The following LIN28B variants were observed in gnomAD, a reference collection of about 807,000 sequenced individuals.
LIN28B encodes the protein lin-28 RNA binding posttranscriptional regulator B, also known as protein lin-28 homolog B.
A neutral mutation model predicts 21.9 loss-of-function variants in LIN28B; 5 were observed. The observed-to-expected ratio is 0.23, with a 90% confidence interval of 0.12 to 0.48. The LOEUF is 0.48. Ranked by LOEUF, LIN28B falls within the 20% of genes least tolerant of loss-of-function variation. The pLI, the probability that LIN28B is intolerant of heterozygous loss-of-function variation, is 0.98. For missense variants in LIN28B, 245 were observed against 310.5 expected, an observed-to-expected ratio of 0.79 and a Z score of 1.58; for synonymous variants, 109 against 111.3, an observed-to-expected ratio of 0.98 and a Z score of 0.13.
chr6:105,075,639 T>G (rs976281681), intron 3 of LIN28B, among the ~76,000 whole-genome samples: 2 of 152,138 alleles, frequency 1.3e-5, no homozygotes, highest in Non-Finnish European at 2.9e-5. Context: ...AAACCAAAAT[T>G]ATATAGCATC....
intron 3 of LIN28B, among the ~76,000 whole-genome samples, chr6:105,042,024 C>A (rs1026763417): frequency 6.6e-6 from 1 of 152,138 alleles, no homozygotes; most frequent in Non-Finnish European, 1.5e-5. Context: ...GCAATTCTCA[C>A]AAAAGTTCAG....
At chr6:104,992,585 A>G (rs1770514616) in intron 2 of LIN28B, among the ~76,000 whole-genome samples, 1 of 151,268 alleles carries the variant, frequency 6.6e-6, no homozygotes, top group Admixed American at 6.6e-5. Flanking sequence ...GGCTCACTTC[A>G]GCCTTAACTT....
intron 3 of LIN28B, among the ~76,000 whole-genome samples, chr6:105,032,705 G>C (rs368275930): frequency 6.6e-6 from 1 of 151,614 alleles, no homozygotes; most frequent in South Asian, 2.1e-4. Context: ...CAGGGTGACA[G>C]CAAGACCCTG....
chr6:104,964,108 AAATATTAC>A (rs1769809452), intron 2 of LIN28B, among the ~76,000 whole-genome samples: 2 of 152,220 alleles, frequency 1.3e-5, no homozygotes, highest in Non-Finnish European at 2.9e-5. Flanking sequence ...AGATAGTTAG[AAATATTAC>A]AGATAGTTAT....
intron 2 of LIN28B, among the ~76,000 whole-genome samples, chr6:104,997,835 G>A (rs935292790): frequency 6.6e-5 from 10 of 152,148 alleles, no homozygotes; most frequent in African/African-American, 1.9e-4. Context: ...ATTAGTGTTG[G>A]TGTCACTCAT....
chr6:104,999,495 A>G, intron 2 of LIN28B, among the ~76,000 whole-genome samples: 1 of 152,210 alleles, frequency 6.6e-6, no homozygotes, highest in Non-Finnish European at 1.5e-5. Context: ...TTTGTAATGT[A>G]TATCAAAAGC....
chr6:104,987,382 CAG>C (rs1196030376), intron 2 of LIN28B, among the ~76,000 whole-genome samples: 1 of 152,124 alleles, frequency 6.6e-6, no homozygotes, highest in East Asian at 1.9e-4. Context: ...GATGGGGAGA[CAG>C]AGTCTTGCTC....
At chr6:104,992,533 TCTCA>T (rs1770513669) in intron 2 of LIN28B, among the ~76,000 whole-genome samples, 2 of 150,496 alleles carry the variant, frequency 1.3e-5, no homozygotes, top group South Asian at 4.2e-4. Flanking sequence ...TTAAACAGGG[TCTCA>T]CTCTGTCACC....
At chr6:104,995,150 C>T (rs909038904) in intron 2 of LIN28B, among the ~76,000 whole-genome samples, 2 of 152,166 alleles carry the variant, frequency 1.3e-5, no homozygotes, top group African/African-American at 2.4e-5. Context: ...AAGGGATACT[C>T]AGCCTGTGTA....
At chr6:105,075,964 A>G (rs1772416762) in intron 3 of LIN28B, among the ~76,000 whole-genome samples, 1 of 151,858 alleles carries the variant, frequency 6.6e-6, no homozygotes, top group East Asian at 1.9e-4. Flanking sequence ...GGCAACTTTA[A>G]TTTAAGAATT....
rs949572103 is a variant in LIN28B, at chr6:105,082,595, A to G, written c.*3812A>G. The G allele has an allele frequency of 2.0e-5, 3 of 152,674 alleles. 1 individual carries two copies. Among genetic ancestry groups the G allele is most frequent in the Admixed American group, 2.0e-4 (3 of 15,280 alleles). 9.5% of individuals were successfully genotyped at this position (152,674 alleles called of 1,614,324 possible). ...TGACTTTAATTTTCTAGATGTCTTA[A>G]TGAGATTTATTTGTTTTAGAGAAGA... On this transcript the variant is annotated 3_prime_UTR_variant, in exon 4 of 4. Transcript: ENST00000345080.
intron 3 of LIN28B, among the ~76,000 whole-genome samples, chr6:105,076,775 T>G (rs1772433295): frequency 6.6e-6 from 1 of 151,772 alleles, no homozygotes; most frequent in African/African-American, 2.4e-5. Context: ...CCAGCTAATT[T>G]TTGTATTTTT....
In LIN28B at chr6:105,061,639, T is replaced by C. The variant is rs1054833322; in HGVS notation, c.384-16775T>C. 2.7e-5 allele frequency among the ~76,000 whole-genome samples: 4 copies of C among 150,600 alleles called. 1 individual carries two copies. Among genetic ancestry groups the C allele is most frequent in the Non-Finnish European group, 5.9e-5 (4 of 67,850 alleles). ...ATAATTAACAAAACATTTTAAAATA[T>C]GTATCTCATTTAAGACCAACAGCAA... On this transcript the variant is annotated intron_variant, in intron 3 of 3. Transcript: ENST00000345080.
intron 3 of LIN28B, among the ~76,000 whole-genome samples, chr6:105,066,890 G>T (rs1366680899): frequency 6.6e-6 from 1 of 151,830 alleles, no homozygotes; most frequent in Non-Finnish European, 1.5e-5. Context: ...AAGAATGCTG[G>T]CTGCAGAACA....
chr6:105,056,956 C>G (rs1230527130), intron 3 of LIN28B, among the ~76,000 whole-genome samples: 1 of 152,116 alleles, frequency 6.6e-6, no homozygotes, highest in Non-Finnish European at 1.5e-5. Context: ...ATTGTCCTAT[C>G]CAGTGACAAT....
At chr6:104,979,971 A>G (rs1770186264) in intron 2 of LIN28B, among the ~76,000 whole-genome samples, 1 of 152,222 alleles carries the variant, frequency 6.6e-6, no homozygotes, top group South Asian at 2.1e-4. Flanking sequence ...GAAGAAAAAC[A>G]ACAGAATTAT....
intron 3 of LIN28B, among the ~76,000 whole-genome samples, chr6:105,068,950 CT>C (rs1306953584): frequency 2.0e-5 from 3 of 152,208 alleles, no homozygotes; most frequent in Non-Finnish European, 2.9e-5. Flanking sequence ...CATGCAGTGG[CT>C]CACACCTGTA....
chr6:104,941,853 C>G (rs1778099204), intron 2 of LIN28B, among the ~76,000 whole-genome samples: 1 of 152,188 alleles, frequency 6.6e-6, no homozygotes, highest in African/African-American at 2.4e-5. Context: ...ACTCCAAAAA[C>G]TTTTTTTAAA....
At position 105,082,840 on chromosome 6, in the gene LIN28B, T is replaced by G. The variant is rs1772565622; in HGVS notation, c.*4057T>G. 6.5e-6 allele frequency: 1 copy of G among 152,698 alleles called. No homozygotes were observed. Among genetic ancestry groups the G allele is most frequent in the African/African-American group, 2.4e-5 (1 of 41,478 alleles). The allele number at this position is 152,698 out of a possible 1,614,324, so 9.5% of individuals were successfully genotyped here. ...TTTAATGCATCTGTGGCTTAACACT[T>G]GTGAGAGTTACCAGCTTGAAAATGA... is the stretch of plus-strand genomic sequence containing the variant. On this transcript the variant is annotated 3_prime_UTR_variant, in exon 4 of 4. Transcript: ENST00000345080.
Sources: gnomAD v4.1 joint callset for allele counts (sites outside exome capture counted in the v4.1 genomes callset) on GRCh38, gnomAD v4.1.1 for gene constraint, MANE v1.5 for transcripts, NCBI Gene and HGNC (gene_info 2026-07-23, HGNC 2026-07-21) for gene names.